Variants in PTPRN2 observed in about 807,000 individuals in gnomAD.
The protein encoded by PTPRN2 is protein tyrosine phosphatase receptor type N2, also known as receptor-type tyrosine-protein phosphatase N2.
Under a neutral mutation model 118.8 loss-of-function variants are expected in PTPRN2, and 74 were observed. That is an observed-to-expected ratio of 0.62 (90% confidence interval 0.52 to 0.76). PTPRN2 has a LOEUF of 0.76. Ranked by LOEUF, PTPRN2 falls within the 30% of genes least tolerant of loss-of-function variation. The pLI is 0.00. For missense variants in PTPRN2, 1,481 were observed against 1,394.4 expected (o/e 1.06, Z -0.99); for synonymous variants, 641 against 608.0 (o/e 1.05, Z -0.80).
chr7:158,478,460 G>A (rs748831816), intron 2 of PTPRN2, among the ~76,000 whole-genome samples: 4 of 152,212 alleles, frequency 2.6e-5, no homozygotes, highest in African/African-American at 7.2e-5. Flanking sequence ...AACGAATGAG[G>A]AGGCAGAGGC....
Position 158,139,597 on chromosome 7 carries a change from C to T in PTPRN2, c.911-1082G>A, listed in dbSNP as rs189052136. Reference sequence around the variant, plus strand: ...GACTCAAGACAGTCACTAAGTTCCACGATAATAAAATGCAAGGAGAACCAC... The same window carrying T: ...GACTCAAGACAGTCACTAAGTTCCATGATAATAAAATGCAAGGAGAACCAC... On this transcript the variant is annotated intron_variant, in intron 6 of 22. Coordinates refer to ENST00000389418, the MANE Select transcript of PTPRN2 (RefSeq NM_002847.5). Among the ~76,000 whole-genome samples, 212 of 151,716 alleles carry T rather than the reference C, an allele frequency of 1.4e-3. 2 individuals carry two copies. The highest frequency in any genetic ancestry group is 4.5e-3 in the African/African-American group (187 of 41,350).
intron 11 of PTPRN2, among the ~76,000 whole-genome samples, chr7:157,936,939 T>A (rs952193936): frequency 6.6e-6 from 1 of 152,248 alleles, no homozygotes; most frequent in African/African-American, 2.4e-5. Flanking sequence ...CATAGCCTCT[T>A]TCTCATCTGT....
chr7:158,300,755 T>C (rs1027758831), intron 3 of PTPRN2, among the ~76,000 whole-genome samples: 4 of 151,802 alleles, frequency 2.6e-5, no homozygotes, highest in African/African-American at 7.3e-5. Flanking sequence ...TAAGCCACCA[T>C]TTATGCTGAA....
chr7:158,355,437 GC>G (rs1808309400), intron 2 of PTPRN2, among the ~76,000 whole-genome samples: 1 of 152,204 alleles, frequency 6.6e-6, no homozygotes, highest in South Asian at 2.1e-4. Context: ...AACATTGCCT[GC>G]CTCTCTCTCA....
intron 11 of PTPRN2, among the ~76,000 whole-genome samples, chr7:157,975,213 C>A (rs1278187441): frequency 6.6e-6 from 1 of 152,208 alleles, no homozygotes; most frequent in African/African-American, 2.4e-5. Context: ...CCTGCCAACA[C>A]TGCTGTCCAC....
intron 2 of PTPRN2, among the ~76,000 whole-genome samples, chr7:158,321,316 G>A (rs1008096601): frequency 2.6e-5 from 4 of 152,128 alleles, no homozygotes; most frequent in African/African-American, 9.7e-5. Flanking sequence ...CCTCCTCTGC[G>A]GGACTCCTGC....
chr7:158,140,068 T>C (rs1819230366), intron 6 of PTPRN2, among the ~76,000 whole-genome samples: 1 of 152,114 alleles, frequency 6.6e-6, no homozygotes, highest in Non-Finnish European at 1.5e-5. Context: ...TGTGGTTACA[T>C]AAACAAGAAA....
At chr7:157,923,987 G>C (rs1275106515) in intron 11 of PTPRN2, among the ~76,000 whole-genome samples, 2 of 152,192 alleles carry the variant, frequency 1.3e-5, no homozygotes, top group Non-Finnish European at 2.9e-5. Flanking sequence ...TCAGCACTGT[G>C]TTCCATTCTG....
At chr7:157,892,790 T>C (rs1459267953) in intron 12 of PTPRN2, among the ~76,000 whole-genome samples, 1 of 152,194 alleles carries the variant, frequency 6.6e-6, no homozygotes, top group African/African-American at 2.4e-5. Context: ...ACTCCAAATA[T>C]ATAAACCTCC....
rs1485652046 is a variant in PTPRN2 at position 157,986,261 on chromosome 7, G to A, written c.1724-87524C>T. Among the ~76,000 whole-genome samples, 2 of 152,212 alleles carry A rather than the reference G, an allele frequency of 1.3e-5. No individual in the cohort carries two copies. Among genetic ancestry groups the A allele is most frequent in the East Asian group, 3.9e-4 (2 of 5,190 alleles). The stretch of plus-strand genomic sequence containing the variant: ...GAGTCACTGTTGGATGTGAGGCAAC[G>A]TGAAGGCTCCACCACTAGGACCCAG... On this transcript the variant is annotated intron_variant, in intron 11 of 22. Coordinates refer to ENST00000389418, the MANE Select transcript of PTPRN2 (RefSeq NM_002847.5). The surrounding 1 kb of genome is among the most constrained non-coding windows in gnomAD (Gnocchi z 4.5).
chr7:158,127,892 C>T (rs763145022), intron 9 of PTPRN2, among the ~76,000 whole-genome samples: 6 of 152,174 alleles, frequency 3.9e-5, no homozygotes, highest in Admixed American at 6.5e-5. Flanking sequence ...TCCTGCCCTT[C>T]GTCCAGTCTT....
intron 15 of PTPRN2, among the ~76,000 whole-genome samples, chr7:157,614,789 C>T (rs934844517): frequency 5.9e-5 from 9 of 152,188 alleles, no homozygotes; most frequent in African/African-American, 2.2e-4. Context: ...CCCTTAGTTA[C>T]AGACAGCACC....
chr7:158,411,870 C>G (rs1018344765), intron 2 of PTPRN2, among the ~76,000 whole-genome samples: 1 of 152,154 alleles, frequency 6.6e-6, no homozygotes, highest in South Asian at 2.1e-4. Context: ...GTTAGGCTGC[C>G]GTGAGGGTGA....
chr7:158,131,515 C>T (rs111204876), intron 9 of PTPRN2, among the ~76,000 whole-genome samples: 123 of 145,770 alleles, frequency 8.4e-4, no homozygotes, highest in African/African-American at 2.9e-3. Context: ...CACATCTACC[C>T]GACACACACA....
intron 3 of PTPRN2, among the ~76,000 whole-genome samples, chr7:158,238,009 C>T (rs538724278): frequency 7.1e-4 from 108 of 152,280 alleles, no homozygotes; most frequent in South Asian, 3.7e-3. Flanking sequence ...TGGCTGCTCC[C>T]GACGTCCCTG....
intron 11 of PTPRN2, among the ~76,000 whole-genome samples, chr7:157,920,521 T>C (rs10253175): frequency 0.68 from 103,011 of 152,108 alleles, 36,012 homozygotes; most frequent in Admixed American, 0.77. Context: ...CTTTTGAACA[T>C]GAAGTTCTAG....
chr7:158,171,322 T>TACATACATAC (rs1823666920), intron 5 of PTPRN2, among the ~76,000 whole-genome samples: 1 of 112,406 alleles, frequency 8.9e-6, no homozygotes, highest in African/African-American at 3.6e-5. Flanking sequence ...TATATATATA[T>TACATACATAC]ATATATATAT....
chr7:157,836,111 C>T (rs967557402), intron 12 of PTPRN2, among the ~76,000 whole-genome samples: 1 of 152,200 alleles, frequency 6.6e-6, no homozygotes, highest in Non-Finnish European at 1.5e-5. Context: ...GGAAGCAGAA[C>T]CATCAATAAT....
chr7:158,045,956 C>A (rs953599055), intron 11 of PTPRN2, among the ~76,000 whole-genome samples: 2 of 146,484 alleles, frequency 1.4e-5, no homozygotes, highest in Admixed American at 6.7e-5. Flanking sequence ...GCGATCCTGG[C>A]ATCCTGACAC....
Sources: gnomAD v4.1 joint callset for allele counts (sites outside exome capture counted in the v4.1 genomes callset) on GRCh38, gnomAD v4.1.1 for gene constraint, Gnocchi (gnomAD v3.1) non-coding constraint, MANE v1.5 for transcripts, NCBI Gene and HGNC (gene_info 2026-07-23, HGNC 2026-07-21) for gene names.